The following OR6N1 variants were observed in gnomAD, a reference collection of about 807,000 sequenced individuals.
OR6N1 encodes the protein olfactory receptor 6N1.
For synonymous variants in OR6N1, 170 were observed against 150.7 expected, an observed-to-expected ratio of 1.13 and a Z score of -0.94; for missense variants, 394 against 371.7, an observed-to-expected ratio of 1.06 and a Z score of -0.49.
the OR6N1 span, among the ~76,000 whole-genome samples, chr1:158,815,964 G>T: frequency 6.6e-6 from 1 of 151,982 alleles, no homozygotes; most frequent in Non-Finnish European, 1.5e-5. Flanking sequence ...GACCATCCTG[G>T]CTAACATGGT....
chr1:158,803,097 G>A, the OR6N1 span, among the ~76,000 whole-genome samples: 1 of 152,086 alleles, frequency 6.6e-6, no homozygotes, highest in Non-Finnish European at 1.5e-5. Flanking sequence ...TTAAATTTAA[G>A]ATACGGAGGT....
At chr1:158,835,582 A>G in the OR6N1 span, among the ~76,000 whole-genome samples, 1 of 99,640 alleles carries the variant, frequency 1.0e-5, no homozygotes, top group African/African-American at 4.1e-5. Context: ...TTATTTGGAT[A>G]TTTTATATTT....
At chr1:158,775,523 A>T (rs1657569998), upstream of OR6N1, 1 of 152,204 alleles carries the variant, frequency 6.6e-6, no homozygotes, top group Non-Finnish European at 1.5e-5. Flanking sequence ...GGCAATTGAG[A>T]ATTTCTCATG....
At chr1:158,812,502 C>T in the OR6N1 span, among the ~76,000 whole-genome samples, 1 of 152,148 alleles carries the variant, frequency 6.6e-6, no homozygotes, top group Non-Finnish European at 1.5e-5. Context: ...AGAATGAGGC[C>T]TTCTGCCTCT....
chr1:158,794,544 A>T, the OR6N1 span, among the ~76,000 whole-genome samples: 1 of 152,074 alleles, frequency 6.6e-6, no homozygotes, highest in East Asian at 1.9e-4. Flanking sequence ...CTGTGATATG[A>T]TCTTTCCTCT....
chr1:158,804,404 G>T, the OR6N1 span, among the ~76,000 whole-genome samples: 1 of 152,132 alleles, frequency 6.6e-6, no homozygotes, highest in Non-Finnish European at 1.5e-5. Flanking sequence ...GTTGTATTTT[G>T]TTATTGACAA....
the OR6N1 span, among the ~76,000 whole-genome samples, chr1:158,801,102 C>T: frequency 0.062 from 9,400 of 151,964 alleles, 349 homozygotes; most frequent in African/African-American, 0.097. Context: ...CACAAAAGTA[C>T]ATAGAACAAA....
chr1:158,818,151 G>A, the OR6N1 span, among the ~76,000 whole-genome samples: 1 of 151,432 alleles, frequency 6.6e-6, no homozygotes, highest in South Asian at 2.1e-4. Flanking sequence ...ATATTTCTTT[G>A]TCCAGAATGT....
At chr1:158,788,028 T>A in the OR6N1 span, among the ~76,000 whole-genome samples, 2 of 152,078 alleles carry the variant, frequency 1.3e-5, no homozygotes. Flanking sequence ...AGCCTCCTTT[T>A]GAAAGAGAAA....
chr1:158,819,440 A>T, the OR6N1 span, among the ~76,000 whole-genome samples: 2 of 152,152 alleles, frequency 1.3e-5, no homozygotes, highest in East Asian at 3.9e-4. Context: ...AGTGGGTCAC[A>T]CACATTCCTT....
rs1168784106 is a variant in OR6N1, at chr1:158,764,466, T to C, written c.*1278A>G. The C allele has an allele frequency of 1.3e-5, 2 of 152,052 alleles. No homozygotes were observed. The highest frequency in any genetic ancestry group is 3.9e-4 in the East Asian group (2 of 5,178). 9.4% of individuals were successfully genotyped at this position (152,052 alleles called of 1,614,324 possible). A position where few individuals can be genotyped will look rare whatever the true frequency, so the allele number is the denominator to read the frequency against. ...ATATATGTCTTGTTCATTGCTTTTG[T>C]AGAGTTGACACTGCATCTGATATAT... On this transcript the variant is annotated 3_prime_UTR_variant, in exon 2 of 2. Transcript: ENST00000641846.
chr1:158,797,119 A>T, the OR6N1 span, among the ~76,000 whole-genome samples: 5 of 152,226 alleles, frequency 3.3e-5, no homozygotes, highest in African/African-American at 1.2e-4. Context: ...TCCTTCAGCC[A>T]AGATACAGAG....
chr1:158,822,751 T>A, the OR6N1 span, among the ~76,000 whole-genome samples: 1 of 152,214 alleles, frequency 6.6e-6, no homozygotes, highest in Admixed American at 6.5e-5. Context: ...CTACGTCAAA[T>A]AGGAGTGGTG....
chr1:158,776,739 T>A, upstream of OR6N1: 1 of 1,613,924 alleles, frequency 6.2e-7, no homozygotes, highest in Non-Finnish European at 8.5e-7. Context: ...TCTTGATAGC[T>A]TTAATGATTT....
At chr1:158,834,189 G>C in the OR6N1 span, among the ~76,000 whole-genome samples, 1 of 149,880 alleles carries the variant, frequency 6.7e-6, no homozygotes, top group Admixed American at 6.7e-5. Flanking sequence ...TTGGCCATTT[G>C]TATAGCACCT....
At chr1:158,771,000 C>T (rs1391941621) in intron 1 of OR6N1, among the ~76,000 whole-genome samples, 1 of 152,180 alleles carries the variant, frequency 6.6e-6, no homozygotes, top group Admixed American at 6.5e-5. Context: ...TTCAAACATT[C>T]TTTTCATCAC....
the OR6N1 span, among the ~76,000 whole-genome samples, chr1:158,811,714 T>C: frequency 6.6e-6 from 1 of 152,252 alleles, no homozygotes; most frequent in East Asian, 1.9e-4. Flanking sequence ...ACACAGATAA[T>C]AGCAAAATTA....
At chr1:158,767,356 G>A (rs1321659111) in intron 1 of OR6N1, among the ~76,000 whole-genome samples, 2 of 152,110 alleles carry the variant, frequency 1.3e-5, no homozygotes, top group African/African-American at 2.4e-5. Context: ...AAAGACAGGA[G>A]GCAAATCTAT....
chr1:158,828,362 G>A, the OR6N1 span, among the ~76,000 whole-genome samples: 1 of 152,184 alleles, frequency 6.6e-6, no homozygotes, highest in South Asian at 2.1e-4. Context: ...ATACAATGGG[G>A]ATACAGGCAC....
Sources: allele counts gnomAD v4.1 joint callset (sites outside exome capture counted in the v4.1 genomes callset), GRCh38; gene constraint gnomAD v4.1.1; transcripts MANE v1.5; gene names NCBI Gene and HGNC (gene_info 2026-07-23, HGNC 2026-07-21).